Variants in SLIT3 observed in about 807,000 individuals in gnomAD.
SLIT3 encodes slit guidance ligand 3, also known as slit homolog 3 protein.
A neutral mutation model predicts 184.0 loss-of-function variants in SLIT3; 68 were observed. The observed-to-expected ratio is 0.37, with a 90% CI of 0.30 to 0.45. SLIT3 has a LOEUF of 0.45. Among genes scored for constraint, SLIT3 ranks in the 20% least tolerant of loss-of-function variants. The probability of loss-of-function intolerance (pLI) is 1.00; values close to 1 mark genes in which losing one functional copy is unlikely to be tolerated. For missense variants in SLIT3, 1,707 were observed against 2,026.0 expected (o/e 0.84, Z 3.02); for synonymous variants, 831 against 828.6 (o/e 1.00, Z -0.05).
chr5:168,683,927 AGGAACACACAGTG>A, intron 32 of SLIT3, 26 bp downstream of exon 32: 1 of 1,429,156 alleles, frequency 7.0e-7, no homozygotes, highest in South Asian at 1.6e-5. Context: ...AAGGATGCGG[AGGAACACACAGTG>A]GGTCAGGAGG....
At chr5:168,953,980 T>C (rs1311354642) in intron 4 of SLIT3, among the ~76,000 whole-genome samples, 1 of 149,950 alleles carries the variant, frequency 6.7e-6, no homozygotes, top group Non-Finnish European at 1.5e-5. Flanking sequence ...GGCCCCCAAA[T>C]AGGCTTTTCC....
Position 168,784,888 on chromosome 5 carries a change from C to T in SLIT3, c.1151+1019G>A, listed in dbSNP as rs143521005. On this transcript the variant is annotated intron_variant, in intron 12 of 35. Coordinates refer to ENST00000519560, the MANE Select transcript of SLIT3 (RefSeq NM_003062.4). ...AAAAAGACACACACACACACACACA[C>T]GCACACACACACCTGCACACCTCTG... Among the ~76,000 whole-genome samples, 113 of 152,156 alleles carry T rather than the reference C, an allele frequency of 7.4e-4. 1 individual carries two copies. Among genetic ancestry groups the T allele is most frequent in the African/African-American group, 2.1e-3 (89 of 41,496 alleles).
intron 1 of SLIT3, among the ~76,000 whole-genome samples, chr5:169,278,821 C>G (rs1436759594): frequency 6.6e-6 from 1 of 152,178 alleles, no homozygotes; most frequent in East Asian, 1.9e-4. Flanking sequence ...GGGCCATCAC[C>G]ACCAGCCTCT....
At chr5:168,974,184 T>A (rs62377250) in intron 4 of SLIT3, among the ~76,000 whole-genome samples, 5,925 of 152,286 alleles carry the variant, frequency 0.039, 153 homozygotes, top group Middle Eastern at 0.061. Flanking sequence ...CACAACTACT[T>A]TGCAGCGTTG....
chr5:169,155,761 C>T (rs1178119760), intron 4 of SLIT3, among the ~76,000 whole-genome samples: 4 of 152,166 alleles, frequency 2.6e-5, no homozygotes, highest in Non-Finnish European at 4.4e-5. Context: ...TGTAAATTGG[C>T]TTTATCTTTT....
intron 6 of SLIT3, among the ~76,000 whole-genome samples, chr5:168,843,285 G>A (rs1758333335): frequency 1.3e-5 from 2 of 152,300 alleles, no homozygotes; most frequent in East Asian, 1.9e-4. Context: ...GCGGGGCCAG[G>A]TGAAGAGGAA....
At chr5:168,766,651 GATGGAAGGGCACC>G (rs1199136768) in intron 14 of SLIT3, among the ~76,000 whole-genome samples, 1 of 152,236 alleles carries the variant, frequency 6.6e-6, no homozygotes, top group Non-Finnish European at 1.5e-5. Context: ...GTAAAGCACT[GATGGAAGGGCACC>G]ATTATGGACC....
At chr5:169,142,078 TAA>T (rs139699010) in intron 4 of SLIT3, among the ~76,000 whole-genome samples, 1,147 of 27,288 alleles carry the variant, frequency 0.042, 9 homozygotes, top group African/African-American at 0.28. Flanking sequence ...AAAATAAAAA[TAA>T]AAATAAATAA....
intron 4 of SLIT3, among the ~76,000 whole-genome samples, chr5:169,148,449 A>G (rs911482281): frequency 1.3e-5 from 2 of 152,226 alleles, no homozygotes; most frequent in African/African-American, 4.8e-5. Context: ...ACACAATTTA[A>G]TTAACTATTT....
intron 4 of SLIT3, among the ~76,000 whole-genome samples, chr5:168,979,433 G>A (rs1754876668): frequency 6.6e-6 from 1 of 152,196 alleles, no homozygotes; most frequent in African/African-American, 2.4e-5. Flanking sequence ...AACAATCAGA[G>A]AGGCAGAGGA....
At position 168,711,067 on chromosome 5, in the gene SLIT3, C is replaced by A; in HGVS notation, c.2556-9G>T. 1 of 1,560,722 alleles carries A rather than the reference C, an allele frequency of 6.4e-7. No individual in the cohort carries two copies. ...GGTTGGTTCCCAGCGCCCTAGGAGG[C>A]AGAACAGGAAGTCAGGGCCCCCTGC... On this transcript the variant is annotated splice_polypyrimidine_tract_variant and intron_variant, in intron 24 of 35. Coordinates refer to ENST00000519560, the MANE Select transcript of SLIT3 (RefSeq NM_003062.4).
chr5:168,984,443 A>G (rs983992034), intron 4 of SLIT3, among the ~76,000 whole-genome samples: 1 of 152,160 alleles, frequency 6.6e-6, no homozygotes, highest in African/African-American at 2.4e-5. Flanking sequence ...CTTCCTGTCA[A>G]TACCCTCTCT....
chr5:169,240,066 A>G (rs1765341766), intron 3 of SLIT3, among the ~76,000 whole-genome samples: 1 of 152,008 alleles, frequency 6.6e-6, no homozygotes, highest in South Asian at 2.1e-4. Context: ...ATCTCAAAAT[A>G]TTTTGGATTT....
intron 25 of SLIT3, 97 bp from the exon 26 acceptor site, chr5:168,708,197 CA>C: frequency 3.9e-6 from 6 of 1,548,942 alleles, no homozygotes; most frequent in Non-Finnish European, 5.3e-6. Flanking sequence ...CAGCCAGCGC[CA>C]GCCCCTTCCC....
intron 4 of SLIT3, among the ~76,000 whole-genome samples, chr5:168,963,769 C>T (rs1429710264): frequency 6.6e-6 from 1 of 152,196 alleles, no homozygotes; most frequent in African/African-American, 2.4e-5. Flanking sequence ...AATCAATGAC[C>T]AAGAGGCTGA....
chr5:168,897,646 G>GCGCGCGCGCGCGCGCGCGCGCACACA, intron 4 of SLIT3, among the ~76,000 whole-genome samples: 1 of 105,382 alleles, frequency 9.5e-6, no homozygotes, highest in Non-Finnish European at 2.0e-5. Flanking sequence ...ACAGGTGCAC[G>GCGCGCGCGCGCGCGCGCGCGCACACA]TACACACACA....
In SLIT3 at chr5:168,666,441, G is replaced by C. The variant is rs1348113672; in HGVS notation, c.*13C>G. The C allele has an allele frequency of 6.5e-7, 1 of 1,536,080 alleles. No homozygotes were observed. The highest frequency in any genetic ancestry group is 8.8e-7 in the Non-Finnish European group (1 of 1,139,288). ...GCTGGAGTCCGAGAGGTGGCAGGCA[G>C]GCGGGCAGGGGCTTAGGAACACGCG... On this transcript the variant is annotated 3_prime_UTR_variant, in exon 36 of 36. Coordinates refer to ENST00000519560, the MANE Select transcript of SLIT3 (RefSeq NM_003062.4).
chr5:168,771,306 G>A (rs1287223234), intron 14 of SLIT3, among the ~76,000 whole-genome samples: 2 of 152,202 alleles, frequency 1.3e-5, no homozygotes, highest in Non-Finnish European at 2.9e-5. Context: ...GGAGCGGGTA[G>A]GGGTGGGAGC....
At chr5:169,003,545 T>TGTGAACACAGAC (rs1414297113) in intron 4 of SLIT3, among the ~76,000 whole-genome samples, 1 of 152,332 alleles carries the variant, frequency 6.6e-6, no homozygotes, top group African/African-American at 2.4e-5. Context: ...TGAACACAGA[T>TGTGAACACAGAC]GTGAACACAG....
Sources: gnomAD v4.1 joint callset for allele counts (sites outside exome capture counted in the v4.1 genomes callset) on GRCh38, gnomAD v4.1.1 for gene constraint, MANE v1.5 for transcripts, NCBI Gene and HGNC (gene_info 2026-07-23, HGNC 2026-07-21) for gene names.